The following AKAP13 variants were observed in gnomAD, a reference collection of about 807,000 sequenced individuals.
AKAP13 encodes A-kinase anchoring protein 13, also known as A-kinase anchor protein 13.
In AKAP13, 80 loss-of-function variants were observed where a neutral mutation model predicts 264.5. The observed-to-expected ratio is 0.30, with a 90% CI of 0.25 to 0.36. The LOEUF is 0.36. AKAP13 is among the 10% of genes least tolerant of loss of function. AKAP13 has a pLI of 1.00. For synonymous variants in AKAP13, 1,380 were observed against 1,250.2 expected, an observed-to-expected ratio of 1.10 and a Z score of -2.19; for missense variants, 3,712 against 3,435.2, an observed-to-expected ratio of 1.08 and a Z score of -2.01.
At chr15:85,519,770 A>T (rs946944053) in intron 2 of AKAP13, among the ~76,000 whole-genome samples, 4 of 152,108 alleles carry the variant, frequency 2.6e-5, no homozygotes, top group African/African-American at 9.7e-5. Context: ...TTGTTAATAG[A>T]CCTGGTTCCT....
rs759228094 is a variant in AKAP13, at chr15:85,655,596, T to C, written c.4554T>C (p.Ala1518=). Residue 1518 remains alanine, a synonymous_variant, in exon 11 of 37, where the codon GCT becomes GCC. Transcript: ENST00000394518. The stretch of plus-strand genomic sequence containing the variant: ...GATTCTACAGCCATGGGATGGGAGC[T>C]GAGGGTCGAGAAAGTGAGAGTGAGC... ...LDGFYSHGMG[A]EGRESESEPA... The C allele has an allele frequency of 6.8e-6, 11 of 1,613,408 alleles. No individual in the cohort carries two copies. The highest frequency in any genetic ancestry group is 9.3e-6 in the Non-Finnish European group (11 of 1,179,440).
chr15:85,438,840 C>T lies in AKAP13; in HGVS notation c.-11-46870C>T, dbSNP rs368016611. 2.4e-4 allele frequency among the ~76,000 whole-genome samples: 36 copies of T among 151,176 alleles called. No homozygotes were observed. In the East Asian group the frequency reaches 3.3e-3, roughly 14 times the overall value. ...ATTCAAGATGGATTAAAGATTTAAA[C>T]GTTAGACCTAAAACCATAAAAACCC... On this transcript the variant is annotated intron_variant, in intron 1 of 36. Coordinates refer to ENST00000394518, the MANE Select transcript of AKAP13 (RefSeq NM_007200.5).
intron 36 of AKAP13, chr15:85,744,305 G>T (rs1483088025): frequency 5.8e-6 from 2 of 342,684 alleles, no homozygotes; most frequent in East Asian, 7.8e-5. Context: ...CCCTGTTCAT[G>T]TACCACTTTT....
At chr15:85,532,313 A>G (rs1232464402) in intron 3 of AKAP13, among the ~76,000 whole-genome samples, 1 of 152,246 alleles carries the variant, frequency 6.6e-6, no homozygotes, top group Non-Finnish European at 1.5e-5. Context: ...GTCTCTTTCA[A>G]AGACAGCAGA....
intron 8 of AKAP13, among the ~76,000 whole-genome samples, chr15:85,617,775 T>C (rs538498546): frequency 6.6e-6 from 1 of 152,346 alleles, no homozygotes; most frequent in East Asian, 1.9e-4. Context: ...AAGTATCAGT[T>C]TATCTATACA....
At chr15:85,447,761 C>T (rs1455829885) in intron 1 of AKAP13, among the ~76,000 whole-genome samples, 1 of 152,136 alleles carries the variant, frequency 6.6e-6, no homozygotes, top group Non-Finnish European at 1.5e-5. Context: ...TTTCTTTATC[C>T]AGTCTGTCAT....
intron 5 of AKAP13, among the ~76,000 whole-genome samples, chr15:85,556,126 C>T (rs189828519): frequency 6.6e-6 from 1 of 152,122 alleles, no homozygotes; most frequent in Admixed American, 6.5e-5. Flanking sequence ...GCTGTGAATT[C>T]TTGGGGAAAT....
intron 1 of AKAP13, among the ~76,000 whole-genome samples, chr15:85,483,411 G>A (rs2075408640): frequency 6.6e-6 from 1 of 152,124 alleles, no homozygotes; most frequent in African/African-American, 2.4e-5. Flanking sequence ...TGGATCATGA[G>A]GTCAGGAGAT....
intron 1 of AKAP13, among the ~76,000 whole-genome samples, chr15:85,409,930 C>G (rs559617512): frequency 2.6e-5 from 4 of 151,730 alleles, no homozygotes; most frequent in South Asian, 4.1e-4. Context: ...CGCGCCTGGC[C>G]TGATGCAGCT....
chr15:85,735,550 T>A lies in AKAP13; in HGVS notation c.7442-10T>A, dbSNP rs764863000. The A allele has an allele frequency of 6.2e-7, 1 of 1,603,144 alleles. No homozygotes were observed. The highest frequency in any genetic ancestry group is 1.3e-5 in the African/African-American group (1 of 74,354). ...CTTTAAAAAAAAAAACAACCCTATT[T>A]TTTGTTTAGGAGGCGAGAAGGAAGA... On this transcript the variant is annotated splice_polypyrimidine_tract_variant and intron_variant, in intron 31 of 36. Coordinates refer to ENST00000394518, the MANE Select transcript of AKAP13 (RefSeq NM_007200.5).
Position 85,611,785 on chromosome 15 carries a change from T to C in AKAP13, c.4161+25962T>C, listed in dbSNP as rs527563976. Reference sequence around the variant, plus strand: ...GGGCTGGCCTCATCCTTTGTCTCTGTGCTCTTTCTTCCCTCTGGGCCTTAT... The same window carrying C: ...GGGCTGGCCTCATCCTTTGTCTCTGCGCTCTTTCTTCCCTCTGGGCCTTAT... On this transcript the variant is annotated intron_variant, in intron 8 of 36. Transcript: ENST00000394518. Among the ~76,000 whole-genome samples the C allele has an allele frequency of 2.0e-5, 3 of 152,346 alleles. No individual in the cohort carries two copies. In the East Asian group the frequency reaches 5.8e-4, roughly 29 times the overall value.
intron 1 of AKAP13, among the ~76,000 whole-genome samples, chr15:85,435,325 C>G: frequency 1.5e-5 from 2 of 132,518 alleles, no homozygotes; most frequent in African/African-American, 5.7e-5. Context: ...GTGAAAAGAC[C>G]AAATCTACGT....
At chr15:85,609,243 T>C (rs570856171) in intron 8 of AKAP13, among the ~76,000 whole-genome samples, 2 of 152,330 alleles carry the variant, frequency 1.3e-5, no homozygotes, top group South Asian at 4.1e-4. Context: ...TCTTTACCCA[T>C]TGACCAACCT....
At chr15:85,500,283 C>T (rs1372202072) in intron 2 of AKAP13, among the ~76,000 whole-genome samples, 3 of 152,088 alleles carry the variant, frequency 2.0e-5, no homozygotes, top group Middle Eastern at 3.2e-3. Flanking sequence ...CTAGTGCTTC[C>T]GTGTGGTGTG....
intron 2 of AKAP13, among the ~76,000 whole-genome samples, chr15:85,494,683 T>C (rs1300970993): frequency 6.6e-6 from 1 of 151,982 alleles, no homozygotes; most frequent in Non-Finnish European, 1.5e-5. Context: ...CAGAGAGAGA[T>C]TGAGGGAAGT....
intron 8 of AKAP13, among the ~76,000 whole-genome samples, chr15:85,638,074 C>G (rs1223077209): frequency 6.6e-6 from 1 of 151,390 alleles, no homozygotes; most frequent in African/African-American, 2.4e-5. Flanking sequence ...TTAGTAGAGA[C>G]AGGATTTCAC....
At chr15:85,685,752 G>T (rs540305106) in intron 16 of AKAP13, among the ~76,000 whole-genome samples, 1 of 152,050 alleles carries the variant, frequency 6.6e-6, no homozygotes, top group Non-Finnish European at 1.5e-5. Context: ...GCAGGCTTCC[G>T]AAGCCCTGGG....
chr15:85,563,439 G>T (rs1467955284), intron 5 of AKAP13, among the ~76,000 whole-genome samples: 3 of 142,706 alleles, frequency 2.1e-5, no homozygotes, highest in Non-Finnish European at 4.5e-5. Context: ...GTTGATCAAT[G>T]TAGCAGATGG....
At chr15:85,449,963 A>G (rs910600520) in intron 1 of AKAP13, among the ~76,000 whole-genome samples, 3 of 151,818 alleles carry the variant, frequency 2.0e-5, no homozygotes, top group African/African-American at 7.3e-5. Context: ...CTTCCTCCTC[A>G]ATTTTTTGTA....
Sources: gnomAD v4.1 joint callset for allele counts (sites outside exome capture counted in the v4.1 genomes callset) on GRCh38, gnomAD v4.1.1 for gene constraint, MANE v1.5 for transcripts, NCBI Gene and HGNC (gene_info 2026-07-23, HGNC 2026-07-21) for gene names.